The following RSAD2 variants were observed in gnomAD, a reference collection of about 807,000 sequenced individuals.
The protein encoded by RSAD2 is S-adenosylmethionine-dependent nucleotide dehydratase RSAD2.
In RSAD2, 38 loss-of-function variants were observed where a neutral mutation model predicts 37.7. That is an observed-to-expected ratio of 1.01 (90% confidence interval 0.78 to 1.32). RSAD2 has a LOEUF of 1.32. RSAD2 is among the 40% of genes most tolerant of loss of function. The pLI is 0.00. For missense variants in RSAD2, 428 were observed against 437.5 expected (o/e 0.98, Z 0.19); for synonymous variants, 163 against 157.4 (o/e 1.04, Z -0.27).
chr2:6,889,278 C>G (rs1326893092), intron 3 of RSAD2, among the ~76,000 whole-genome samples: 1 of 152,202 alleles, frequency 6.6e-6, no homozygotes, highest in African/African-American at 2.4e-5. Context: ...TCCCAAGATG[C>G]TCACAGTCTA....
intron 1 of RSAD2, chr2:6,866,437 C>T (rs1434621567): frequency 2.0e-6 from 2 of 985,522 alleles, no homozygotes; most frequent in African/African-American, 3.5e-5. Flanking sequence ...TGTGCACAAG[C>T]TTTTCCCTCT....
chr2:6,888,343 T>C (rs1356119036), intron 3 of RSAD2, among the ~76,000 whole-genome samples: 1 of 152,178 alleles, frequency 6.6e-6, no homozygotes, highest in Non-Finnish European at 1.5e-5. Flanking sequence ...TATATAAGGA[T>C]ATGAATTATC....
intron 4 of RSAD2, among the ~76,000 whole-genome samples, chr2:6,890,913 A>G (rs896246189): frequency 3.9e-5 from 6 of 152,182 alleles, no homozygotes; most frequent in Admixed American, 2.6e-4. Flanking sequence ...GAAGCCGGGT[A>G]TCTAAAAATG....
chr2:6,891,290 TAA>T (rs1418701118), intron 4 of RSAD2, among the ~76,000 whole-genome samples: 2 of 152,158 alleles, frequency 1.3e-5, no homozygotes, highest in African/African-American at 2.4e-5. Context: ...AAAGTTGCAG[TAA>T]GAGAGGCAAG....
chr2:6,896,191 T>C lies in RSAD2; in HGVS notation c.*249T>C. The C allele has an allele frequency of 2.6e-6, 1 of 381,508 alleles. No homozygotes were observed. The highest frequency in any genetic ancestry group is 4.0e-5 in the East Asian group (1 of 24,702). The allele number at this position is 381,508 out of a possible 1,614,324, so 23.6% of individuals were successfully genotyped here. A position where few individuals can be genotyped will look rare whatever the true frequency, so the allele number is the denominator to read the frequency against. ...TGTTGTTATTGAAACAGCACTTCTG[T>C]TTTTGAGTTTGTTTTAGCTAAAAAG... is the stretch of plus-strand genomic sequence containing the variant. On this transcript the variant is annotated 3_prime_UTR_variant, in exon 6 of 6. Transcript: ENST00000382040.
intron 3 of RSAD2, among the ~76,000 whole-genome samples, chr2:6,887,495 A>C (rs1166186948): frequency 2.0e-5 from 3 of 152,240 alleles, no homozygotes; most frequent in African/African-American, 7.2e-5. Context: ...GCCTAAATTT[A>C]TTTTTAAAAC....
At chr2:6,882,072 G>A (rs1663417372) in intron 1 of RSAD2, among the ~76,000 whole-genome samples, 1 of 152,184 alleles carries the variant, frequency 6.6e-6, no homozygotes, top group Non-Finnish European at 1.5e-5. Context: ...TTAGCAATTG[G>A]AGGTTTTCCT....
At chr2:6,891,503 C>G (rs972229598) in intron 4 of RSAD2, among the ~76,000 whole-genome samples, 1 of 152,164 alleles carries the variant, frequency 6.6e-6, no homozygotes, top group Non-Finnish European at 1.5e-5. Flanking sequence ...CGCGGTGGCT[C>G]ACGCCTGTAA....
At chr2:6,865,919 G>T (rs755467323) in exon 1 of RSAD2, 2 of 1,400,370 alleles carry the variant, frequency 1.4e-6, no homozygotes, top group Non-Finnish European at 1.9e-6. Context: ...CGCGATAAAC[G>T]GCCGGCGCTC....
At chr2:6,883,667 T>C in intron 2 of RSAD2, 135 bp downstream of exon 2, 1 of 970,692 alleles carries the variant, frequency 1.0e-6, no homozygotes, top group Non-Finnish European at 1.5e-6. Flanking sequence ...TCTTGCTTAC[T>C]CTAATTGCTT....
intron 4 of RSAD2, among the ~76,000 whole-genome samples, chr2:6,891,732 G>C (rs1296803298): frequency 1.3e-5 from 2 of 152,094 alleles, no homozygotes; most frequent in Admixed American, 6.5e-5. Flanking sequence ...GCTCACTGCA[G>C]TCCAGCCTGG....
At chr2:6,893,112 A>G (rs1663664232) in intron 4 of RSAD2, among the ~76,000 whole-genome samples, 1 of 152,096 alleles carries the variant, frequency 6.6e-6, no homozygotes, top group Non-Finnish European at 1.5e-5. Flanking sequence ...CATTTTACAG[A>G]CCCCTATCTA....
chr2:6,870,044 C>T (rs1355470208), intron 1 of RSAD2, among the ~76,000 whole-genome samples: 1 of 152,210 alleles, frequency 6.6e-6, no homozygotes, highest in Non-Finnish European at 1.5e-5. Context: ...AAGTGAGTTT[C>T]AATCCTTCAT....
At chr2:6,893,182 C>G (rs1177856339) in intron 4 of RSAD2, among the ~76,000 whole-genome samples, 1 of 152,072 alleles carries the variant, frequency 6.6e-6, no homozygotes, top group Non-Finnish European at 1.5e-5. Context: ...CTTCTATATA[C>G]CTATAGAAGT....
In RSAD2 at chr2:6,896,265, C is replaced by T. The variant is rs887610376; in HGVS notation, c.*323C>T. On this transcript the variant is annotated 3_prime_UTR_variant, in exon 6 of 6. Transcript: ENST00000382040. ...ACCCCAAAAATGCTTAGATAAGGCCCCTATACACAGGACCTGACATTTAGC... is the reference window on the plus strand; with the variant it reads ...ACCCCAAAAATGCTTAGATAAGGCCTCTATACACAGGACCTGACATTTAGC... The T allele has an allele frequency of 5.7e-5, 12 of 209,026 alleles. No individual in the cohort carries two copies. Among genetic ancestry groups the T allele is most frequent in the African/African-American group, 2.1e-4 (9 of 43,860 alleles). The allele number at this position is 209,026 out of a possible 1,614,324, so 12.9% of individuals were successfully genotyped here. A position where few individuals can be genotyped will look rare whatever the true frequency, so the allele number is the denominator to read the frequency against.
At chr2:6,873,219 T>C (rs1483596805), upstream of RSAD2, among the ~76,000 whole-genome samples, 1 of 152,214 alleles carries the variant, frequency 6.6e-6, no homozygotes, top group Non-Finnish European at 1.5e-5. Context: ...TTTTACACTC[T>C]TGGCTTTTCT....
At chr2:6,872,812 A>G (rs1184321114), upstream of RSAD2, among the ~76,000 whole-genome samples, 1 of 152,214 alleles carries the variant, frequency 6.6e-6, no homozygotes, top group Non-Finnish European at 1.5e-5. Context: ...AAATACACTG[A>G]TACAGAACTT....
upstream of RSAD2, chr2:6,877,722 C>T (rs1222791785): frequency 5.5e-6 from 6 of 1,100,246 alleles, no homozygotes; most frequent in Admixed American, 1.1e-4. Flanking sequence ...ACAGGTTGCT[C>T]AGAGACTGCT....
chr2:6,876,247 G>C (rs116011713), upstream of RSAD2, among the ~76,000 whole-genome samples: 2,056 of 152,258 alleles, frequency 0.014, 47 homozygotes, highest in African/African-American at 0.045. Flanking sequence ...GGCTTCCCCT[G>C]CAGTAGGGTT....
Sources: allele counts gnomAD v4.1 joint callset (sites outside exome capture counted in the v4.1 genomes callset), GRCh38; gene constraint gnomAD v4.1.1; transcripts MANE v1.5; gene names NCBI Gene and HGNC (gene_info 2026-07-23, HGNC 2026-07-21).